LRMDA: variants seen among roughly 807,000 people sequenced by gnomAD.
LRMDA encodes leucine-rich melanocyte differentiation-associated protein.
Under a neutral mutation model 29.8 loss-of-function variants are expected in LRMDA, and 18 were observed. The ratio of observed to expected loss-of-function variants is 0.60; its 90% CI spans 0.42 to 0.90. LRMDA has a LOEUF of 0.90. Ranked by LOEUF, LRMDA falls within the 40% of genes least tolerant of loss-of-function variation. The pLI, the probability that LRMDA is intolerant of heterozygous loss-of-function variation, is 0.00. For synonymous variants in LRMDA, 125 were observed against 109.4 expected (o/e 1.14, Z -0.89); for missense variants, 273 against 273.9 (o/e 1.00, Z 0.02).
At chr10:75,720,384 A>G (rs1842551931) in intron 2 of LRMDA, among the ~76,000 whole-genome samples, 2 of 152,230 alleles carry the variant, frequency 1.3e-5, no homozygotes, top group South Asian at 4.1e-4. Flanking sequence ...TGATTCTTCC[A>G]TCTATGAAAT....
chr10:75,495,253 C>G (rs774609599), intron 2 of LRMDA, among the ~76,000 whole-genome samples: 7 of 152,020 alleles, frequency 4.6e-5, no homozygotes, highest in Non-Finnish European at 7.4e-5. Flanking sequence ...TCCCTCTCTC[C>G]CTCCCTCCCT....
intron 2 of LRMDA, among the ~76,000 whole-genome samples, chr10:75,804,533 C>G (rs1843814232): frequency 1.3e-5 from 2 of 152,226 alleles, no homozygotes; most frequent in Non-Finnish European, 2.9e-5. Context: ...TGAAGAATCT[C>G]TCTTGGCATC....
intron 2 of LRMDA, among the ~76,000 whole-genome samples, chr10:76,019,575 A>G (rs367950463): frequency 6.6e-6 from 1 of 152,154 alleles, no homozygotes; most frequent in East Asian, 1.9e-4. Context: ...TGAAATAATG[A>G]CCTTGGTTCA....
chr10:75,733,636 T>C, intron 2 of LRMDA, among the ~76,000 whole-genome samples: 1 of 152,182 alleles, frequency 6.6e-6, no homozygotes, highest in East Asian at 1.9e-4. Context: ...CATGTGTTCA[T>C]TTCTTACCTT....
At chr10:75,545,783 A>G (rs905863775) in intron 2 of LRMDA, among the ~76,000 whole-genome samples, 1 of 152,218 alleles carries the variant, frequency 6.6e-6, no homozygotes, top group Non-Finnish European at 1.5e-5. Context: ...AGCTTACAGT[A>G]TTAAGCTTCA....
chr10:76,008,614 C>T (rs965939669), intron 2 of LRMDA, among the ~76,000 whole-genome samples: 2 of 152,232 alleles, frequency 1.3e-5, no homozygotes, highest in African/African-American at 4.8e-5. Context: ...TGCCTCCCAC[C>T]GGGTACACAC....
intron 5 of LRMDA, among the ~76,000 whole-genome samples, chr10:76,244,782 C>T (rs1589391763): frequency 6.6e-6 from 1 of 152,150 alleles, no homozygotes; most frequent in Non-Finnish European, 1.5e-5. Context: ...TTGATTACAT[C>T]CCACCAAATG....
At chr10:75,519,597 T>C (rs9416065) in intron 2 of LRMDA, among the ~76,000 whole-genome samples, 78,525 of 152,006 alleles carry the variant, frequency 0.52, 22,441 homozygotes, top group Non-Finnish European at 0.63. Flanking sequence ...ATGGGTCTCC[T>C]GAATACAGCA....
At chr10:75,450,730 A>C (rs984717750) in intron 2 of LRMDA, 1 of 152,244 alleles carries the variant, frequency 6.6e-6, no homozygotes, top group African/African-American at 2.4e-5. Flanking sequence ...GGCTGTTATT[A>C]ATGTAACTGT....
At chr10:76,509,535 T>C (rs778975306) in intron 6 of LRMDA, among the ~76,000 whole-genome samples, 6 of 152,202 alleles carry the variant, frequency 3.9e-5, no homozygotes, top group Non-Finnish European at 7.3e-5. Context: ...AGGATCAGCA[T>C]CCCAACTTCT....
intron 2 of LRMDA, among the ~76,000 whole-genome samples, chr10:75,807,567 C>T (rs1335299057): frequency 6.6e-6 from 1 of 152,198 alleles, no homozygotes; most frequent in Non-Finnish European, 1.5e-5. Context: ...ACTTTAAAGG[C>T]AGCAGGTTGG....
intron 2 of LRMDA, among the ~76,000 whole-genome samples, chr10:75,556,105 A>T (rs1840210234): frequency 6.6e-6 from 1 of 152,176 alleles, no homozygotes; most frequent in African/African-American, 2.4e-5. Context: ...TGAATGAAAA[A>T]ATAATGGCTG....
chr10:76,066,292 C>T (rs949053109), intron 5 of LRMDA, among the ~76,000 whole-genome samples: 4 of 152,324 alleles, frequency 2.6e-5, no homozygotes, highest in Non-Finnish European at 1.5e-5. Flanking sequence ...TGCACAGAAA[C>T]TTCCCTGATA....
At chr10:76,455,097 AGAGT>A (rs1300784743) in intron 6 of LRMDA, among the ~76,000 whole-genome samples, 1 of 152,118 alleles carries the variant, frequency 6.6e-6, no homozygotes, top group African/African-American at 2.4e-5. Context: ...TCTGCAGGAG[AGAGT>A]AAGAGAGCCT....
At chr10:76,508,734 A>C (rs893382284) in intron 6 of LRMDA, among the ~76,000 whole-genome samples, 10 of 152,308 alleles carry the variant, frequency 6.6e-5, no homozygotes, top group Admixed American at 4.6e-4. Context: ...AGGTACTTAG[A>C]AATCATGATC....
intron 2 of LRMDA, among the ~76,000 whole-genome samples, chr10:75,925,631 T>TGGTGGCAGTGGTGGTGGTAAA (rs1846108514): frequency 6.6e-6 from 1 of 151,434 alleles, no homozygotes; most frequent in African/African-American, 2.4e-5. Context: ...GTGGTGGTAA[T>TGGTGGCAGTGGTGGTGGTAAA]GGTGGCAGCA....
intron 5 of LRMDA, among the ~76,000 whole-genome samples, chr10:76,170,394 G>C (rs1240036957): frequency 6.6e-6 from 1 of 152,192 alleles, no homozygotes; most frequent in Non-Finnish European, 1.5e-5. Flanking sequence ...GGTGCTCTCA[G>C]ACTGGTCTCT....
intron 6 of LRMDA, among the ~76,000 whole-genome samples, chr10:76,386,053 A>T (rs1364032717): frequency 6.6e-6 from 1 of 152,226 alleles, no homozygotes; most frequent in Non-Finnish European, 1.5e-5. Flanking sequence ...AGAACTCTAA[A>T]AGGGAGAAAT....
chr10:76,073,501 C>G (rs945311182), intron 5 of LRMDA, among the ~76,000 whole-genome samples: 1 of 152,158 alleles, frequency 6.6e-6, no homozygotes, highest in Non-Finnish European at 1.5e-5. Flanking sequence ...ATTTTCCCAC[C>G]GTTCCTGGAT....
Sources: allele counts gnomAD v4.1 joint callset (sites outside exome capture counted in the v4.1 genomes callset), GRCh38; gene constraint gnomAD v4.1.1; transcripts MANE v1.5; gene names NCBI Gene and HGNC (gene_info 2026-07-23, HGNC 2026-07-21).